Variants in ELAPOR2 observed in about 807,000 individuals in gnomAD.
The protein encoded by ELAPOR2 is endosome-lysosome associated apoptosis and autophagy regulator family member 2.
A neutral mutation model predicts 120.7 loss-of-function variants in ELAPOR2; 89 were observed. That is an observed-to-expected ratio of 0.74 (90% CI 0.62 to 0.88). The LOEUF is 0.88. Ranked by LOEUF, ELAPOR2 falls within the 40% of genes least tolerant of loss-of-function variation. The pLI is 0.00. For synonymous variants in ELAPOR2, 444 were observed against 444.9 expected (o/e 1.00, Z 0.03); for missense variants, 1,134 against 1,251.6 (o/e 0.91, Z 1.42).
intron 11 of ELAPOR2, 139 bp downstream of exon 11, chr7:86,919,081 A>G: frequency 1.7e-6 from 1 of 576,942 alleles, no homozygotes; most frequent in South Asian, 2.5e-5. Flanking sequence ...AATATAATAC[A>G]TTACCCTGTG....
chr7:87,029,099 T>G (rs1794343887), intron 1 of ELAPOR2, among the ~76,000 whole-genome samples: 1 of 152,210 alleles, frequency 6.6e-6, no homozygotes, highest in Admixed American at 6.5e-5. Flanking sequence ...TTTTTCTTCC[T>G]ACATTTATCA....
chr7:87,033,776 C>CA (rs200707635), intron 1 of ELAPOR2, among the ~76,000 whole-genome samples: 24 of 150,760 alleles, frequency 1.6e-4, no homozygotes, highest in Admixed American at 7.3e-4. Flanking sequence ...GCAATCTGTA[C>CA]AAAAAAAATC....
chr7:86,907,847 C>T (rs1344059756), intron 17 of ELAPOR2, 76 bp from the exon 18 acceptor site: 2 of 717,508 alleles, frequency 2.8e-6, no homozygotes. Context: ...GGAATAATTG[C>T]TCTCAGACTT....
intron 1 of ELAPOR2, among the ~76,000 whole-genome samples, chr7:87,001,891 A>G (rs1793330781): frequency 6.6e-6 from 1 of 152,196 alleles, no homozygotes; most frequent in African/African-American, 2.4e-5. Flanking sequence ...CCTTTAATTC[A>G]GTGGACTAGG....
At chr7:86,881,915 T>C (rs1190403240) in intron 21 of ELAPOR2, among the ~76,000 whole-genome samples, 2 of 152,202 alleles carry the variant, frequency 1.3e-5, no homozygotes, top group Admixed American at 6.5e-5. Context: ...GAAGTCGACA[T>C]TGAGTAGCTG....
intron 8 of ELAPOR2, among the ~76,000 whole-genome samples, chr7:86,928,947 T>C (rs1304625915): frequency 6.6e-6 from 1 of 151,890 alleles, no homozygotes; most frequent in African/African-American, 2.4e-5. Context: ...TAATAATTAA[T>C]ATTAATAATA....
intron 14 of ELAPOR2, among the ~76,000 whole-genome samples, 185 bp downstream of exon 14, chr7:86,912,756 C>T (rs1789373703): frequency 1.3e-5 from 2 of 152,168 alleles, no homozygotes; most frequent in South Asian, 4.1e-4. Context: ...GTAACTAGTA[C>T]TTTCATAGCA....
chr7:87,023,477 A>G (rs914428664), intron 1 of ELAPOR2, among the ~76,000 whole-genome samples: 3 of 152,162 alleles, frequency 2.0e-5, no homozygotes, highest in African/African-American at 7.2e-5. Context: ...GCCTTCTAGT[A>G]TAGCTTGAAG....
At chr7:86,990,979 T>C (rs1792925851) in intron 1 of ELAPOR2, among the ~76,000 whole-genome samples, 1 of 152,228 alleles carries the variant, frequency 6.6e-6, no homozygotes, top group Non-Finnish European at 1.5e-5. Context: ...CTTTAATCTA[T>C]ATGGTATGTT....
Position 86,912,229 on chromosome 7 carries a change from T to G in ELAPOR2, c.2012A>C (p.Tyr671Ser), listed in dbSNP as rs1226140716. The G allele has an allele frequency of 1.3e-6, 2 of 1,595,870 alleles. No individual in the cohort carries two copies. The highest frequency in any genetic ancestry group is 1.7e-6 in the Non-Finnish European group (2 of 1,165,280). The change falls in exon 15 of 22, where the codon TAT becomes TCT. Residue 671 changes from tyrosine to serine, a missense_variant. Tyr to Ser is a moderately radical substitution (Grantham distance 144). Coordinates refer to ENST00000450689, the MANE Select transcript of ELAPOR2 (RefSeq NM_001142749.3). ...SKNNQDHSVC[Y>S]SDCFFYHEKE... ...TTCATGGTAGAAAAAGCAGTCACTA[T>G]AGCAAACCGAATGGTCCTTTGATTA...
At chr7:87,031,513 C>T (rs1279876059) in intron 1 of ELAPOR2, among the ~76,000 whole-genome samples, 1 of 152,162 alleles carries the variant, frequency 6.6e-6, no homozygotes, top group African/African-American at 2.4e-5. Context: ...GTTCTAACAG[C>T]AGGCACATCT....
At chr7:87,040,600 A>G (rs1451027517) in intron 1 of ELAPOR2, among the ~76,000 whole-genome samples, 1 of 152,148 alleles carries the variant, frequency 6.6e-6, no homozygotes, top group Non-Finnish European at 1.5e-5. Flanking sequence ...CATCCACACC[A>G]AAAACCCATC....
At chr7:86,906,397 A>G (rs971709850) in intron 18 of ELAPOR2, among the ~76,000 whole-genome samples, 1 of 152,128 alleles carries the variant, frequency 6.6e-6, no homozygotes, top group African/African-American at 2.4e-5. Context: ...GAATAATTAA[A>G]TCATAGGTCT....
At chr7:86,947,958 C>G (rs1466251594) in intron 2 of ELAPOR2, 36 bp from the exon 3 acceptor site, 11 of 1,428,936 alleles carry the variant, frequency 7.7e-6, no homozygotes, top group Non-Finnish European at 1.1e-5. Context: ...CATTACTTAC[C>G]CTCCCATCAA....
chr7:86,898,133 T>C (rs926845159), intron 18 of ELAPOR2, among the ~76,000 whole-genome samples: 3 of 152,126 alleles, frequency 2.0e-5, no homozygotes, highest in Admixed American at 2.0e-4. Flanking sequence ...AAATGCAGTA[T>C]ATCTGTATAA....
intron 1 of ELAPOR2, among the ~76,000 whole-genome samples, chr7:86,986,777 T>C (rs933824363): frequency 9.9e-5 from 15 of 151,564 alleles, no homozygotes; most frequent in Non-Finnish European, 2.1e-4. Context: ...CTGCCCAAGG[T>C]AATTTATAGA....
At chr7:87,052,776 CTTTTG>C (rs77194595) in intron 1 of ELAPOR2, among the ~76,000 whole-genome samples, 3,399 of 147,088 alleles carry the variant, frequency 0.023, 52 homozygotes, top group Middle Eastern at 0.038. Context: ...GGTTTGTTTT[CTTTTG>C]TTTTGTTTTG....
intron 21 of ELAPOR2, among the ~76,000 whole-genome samples, chr7:86,884,061 T>C (rs1799571435): frequency 6.6e-6 from 1 of 152,190 alleles, no homozygotes; most frequent in Non-Finnish European, 1.5e-5. Flanking sequence ...ATTTGTATGG[T>C]GGGCATATGA....
intron 1 of ELAPOR2, among the ~76,000 whole-genome samples, chr7:86,988,647 A>G (rs1380947802): frequency 6.6e-6 from 1 of 152,236 alleles, no homozygotes; most frequent in Non-Finnish European, 1.5e-5. Flanking sequence ...AGTAACTGCC[A>G]TTACTCCTAC....
Sources: gnomAD v4.1 joint callset for allele counts (sites outside exome capture counted in the v4.1 genomes callset) on GRCh38, gnomAD v4.1.1 for gene constraint, MANE v1.5 for transcripts, NCBI Gene and HGNC (gene_info 2026-07-23, HGNC 2026-07-21) for gene names.